The following C8orf34 variants were observed in gnomAD, a reference collection of about 807,000 sequenced individuals.
The protein encoded by C8orf34 is uncharacterized protein C8orf34.
In C8orf34, 65 loss-of-function variants were observed where a neutral mutation model predicts 68.3. The observed-to-expected ratio is 0.95, with a 90% CI of 0.78 to 1.17. C8orf34 has a LOEUF of 1.17. C8orf34 is among the 50% of genes most tolerant of loss of function. The probability of loss-of-function intolerance (pLI) is 0.00; values close to 1 mark genes in which losing one functional copy is unlikely to be tolerated. For missense variants in C8orf34, 664 were observed against 655.4 expected (o/e 1.01, Z -0.14); for synonymous variants, 244 against 241.2 (o/e 1.01, Z -0.11).
chr8:68,530,011 C>A (rs906172428), intron 6 of C8orf34, among the ~76,000 whole-genome samples: 1 of 151,750 alleles, frequency 6.6e-6, no homozygotes, highest in Non-Finnish European at 1.5e-5. Flanking sequence ...CGCCTTAAAG[C>A]CGTAACTGTC....
chr8:68,691,260 A>G (rs1293686261), intron 8 of C8orf34, among the ~76,000 whole-genome samples: 1 of 151,982 alleles, frequency 6.6e-6, no homozygotes, highest in East Asian at 1.9e-4. Flanking sequence ...CATTTTTCCA[A>G]CAGCATGTGC....
intron 11 of C8orf34, among the ~76,000 whole-genome samples, chr8:68,778,897 C>T (rs1194779981): frequency 2.0e-5 from 3 of 152,100 alleles, no homozygotes; most frequent in Non-Finnish European, 4.4e-5. Flanking sequence ...CATTACCAGG[C>T]TCAAGCTTGT....
intron 12 of C8orf34, among the ~76,000 whole-genome samples, chr8:68,794,042 T>A (rs1178292982): frequency 1.3e-5 from 2 of 152,214 alleles, no homozygotes; most frequent in African/African-American, 4.8e-5. Flanking sequence ...AATGTTATAT[T>A]CATAAGCTAT....
intron 1 of C8orf34, among the ~76,000 whole-genome samples, chr8:68,360,096 T>G (rs797017506): frequency 4.6e-5 from 7 of 152,330 alleles, no homozygotes; most frequent in African/African-American, 1.7e-4. Flanking sequence ...GTGGCTTAAT[T>G]CTTCCCAGGG....
intron 12 of C8orf34, among the ~76,000 whole-genome samples, chr8:68,808,171 G>A (rs1456713829): frequency 3.3e-5 from 5 of 152,146 alleles, no homozygotes; most frequent in African/African-American, 1.2e-4. Context: ...TAGATGTTTG[G>A]TGCCTTCACA....
At chr8:68,758,354 C>T (rs1050865570) in intron 10 of C8orf34, among the ~76,000 whole-genome samples, 4 of 152,030 alleles carry the variant, frequency 2.6e-5, no homozygotes, top group African/African-American at 4.8e-5. Context: ...GGTAGTCCAC[C>T]CCATAGTAGT....
At chr8:68,688,387 ATG>A (rs1448585998) in intron 8 of C8orf34, among the ~76,000 whole-genome samples, 1 of 152,016 alleles carries the variant, frequency 6.6e-6, no homozygotes, top group Non-Finnish European at 1.5e-5. Context: ...GATAAAGAAA[ATG>A]TGGTATTGTG....
Position 68,721,398 on chromosome 8 carries a change from G to T in C8orf34, c.1365G>T (p.Glu455Asp). ...LPGTEEALME[E>D]GDEFEKASKL... ...GGACTGAAGAAGCACTAATGGAGGAGGGTGACGAATTTGAGAAAGCATCTA... is the reference window on the plus strand; with the variant it reads ...GGACTGAAGAAGCACTAATGGAGGATGGTGACGAATTTGAGAAAGCATCTA... The change falls in exon 10 of 14, where the codon GAG (glutamate) becomes GAT (aspartate). Residue 455 changes from glutamate (E) to aspartate (D), a missense_variant. Physicochemically the swap from Glu to Asp is conservative, Grantham distance 45. Transcript: ENST00000518698. The T allele has an allele frequency of 6.2e-7, 1 of 1,609,626 alleles. No individual in the cohort carries two copies. The highest frequency in any genetic ancestry group is 2.2e-5 in the East Asian group (1 of 44,712).
chr8:68,748,604 G>C lies in C8orf34; in HGVS notation c.1404+27167G>C, dbSNP rs1467696222. Among the ~76,000 whole-genome samples, 4 of 152,188 alleles carry C rather than the reference G, an allele frequency of 2.6e-5. No individual in the cohort carries two copies. In the East Asian group the frequency reaches 7.7e-4, roughly 29 times the overall value. ...CATGAAGAGGCACTTCACAAAAGAA[G>C]ACATTTATGCAGCCAAAAAACACAT... is the stretch of plus-strand genomic sequence containing the variant. On this transcript the variant is annotated intron_variant, in intron 10 of 13. Coordinates refer to ENST00000518698, the MANE Select transcript of C8orf34 (RefSeq NM_052958.4).
At chr8:68,511,710 T>C (rs920863816) in intron 5 of C8orf34, among the ~76,000 whole-genome samples, 3 of 152,178 alleles carry the variant, frequency 2.0e-5, no homozygotes, top group Non-Finnish European at 4.4e-5. Flanking sequence ...AATTTAACAA[T>C]GCCATAAGTT....
At chr8:68,505,723 G>T (rs1813987452) in intron 5 of C8orf34, among the ~76,000 whole-genome samples, 1 of 89,888 alleles carries the variant, frequency 1.1e-5, no homozygotes, top group Non-Finnish European at 1.9e-5. Flanking sequence ...GGGCGACAGA[G>T]CGAGACTCCG....
Position 68,722,778 on chromosome 8 carries a change from A to G in C8orf34, c.1404+1341A>G, listed in dbSNP as rs116462238. Among the ~76,000 whole-genome samples the G allele has an allele frequency of 1.9e-3, 283 of 152,162 alleles. 2 individuals are homozygous for G. The highest frequency in any genetic ancestry group is 6.3e-3 in the African/African-American group (262 of 41,548). ...TACCTACACACAGTAGGCCCATAAT[A>G]TGAAACACACACATACATATATATG... On this transcript the variant is annotated intron_variant, in intron 10 of 13. Transcript: ENST00000518698.
intron 1 of C8orf34, among the ~76,000 whole-genome samples, chr8:68,397,765 A>AT (rs1169302880): frequency 6.6e-6 from 1 of 151,664 alleles, no homozygotes; most frequent in Non-Finnish European, 1.5e-5. Context: ...AACTGACCCT[A>AT]TTTTTTTAAT....
intron 10 of C8orf34, among the ~76,000 whole-genome samples, chr8:68,751,229 A>G (rs1374921877): frequency 6.6e-6 from 1 of 152,188 alleles, no homozygotes; most frequent in Non-Finnish European, 1.5e-5. Flanking sequence ...GTAACATGAC[A>G]GTTCTTAGCT....
At chr8:68,677,134 C>T (rs960917256) in intron 8 of C8orf34, among the ~76,000 whole-genome samples, 2 of 152,134 alleles carry the variant, frequency 1.3e-5, no homozygotes, top group African/African-American at 2.4e-5. Flanking sequence ...ATTTTGGAAC[C>T]TATACAAACA....
chr8:68,462,072 C>T (rs1412589746), intron 3 of C8orf34, among the ~76,000 whole-genome samples: 2 of 151,828 alleles, frequency 1.3e-5, no homozygotes, highest in East Asian at 3.9e-4. Context: ...CACACATAGG[C>T]TCAAAATAAA....
At chr8:68,389,913 A>G (rs1808411270) in intron 1 of C8orf34, among the ~76,000 whole-genome samples, 1 of 152,118 alleles carries the variant, frequency 6.6e-6, no homozygotes, top group African/African-American at 2.4e-5. Flanking sequence ...AATCCTAACG[A>G]TGACCACTTT....
At position 68,818,975 on chromosome 8, in the gene C8orf34, G is replaced by A. The variant is rs966150513; in HGVS notation, c.*729G>A. 4 of 152,074 alleles carry A rather than the reference G, an allele frequency of 2.6e-5. No homozygotes were observed. Among genetic ancestry groups the A allele is most frequent in the African/African-American group, 9.7e-5 (4 of 41,414 alleles). 9.4% of individuals were successfully genotyped at this position (152,074 alleles called of 1,614,324 possible). A position where few individuals can be genotyped will look rare whatever the true frequency, so the allele number is the denominator to read the frequency against. On this transcript the variant is annotated 3_prime_UTR_variant, in exon 14 of 14. Coordinates refer to ENST00000518698, the MANE Select transcript of C8orf34 (RefSeq NM_052958.4). ...TATGCTCGCTTTTGGAATGTGTTAT[G>A]CATTGATGTTAAGTGAATGGATCTA...
intron 8 of C8orf34, among the ~76,000 whole-genome samples, chr8:68,671,842 G>A (rs938026021): frequency 2.0e-5 from 3 of 152,012 alleles, no homozygotes; most frequent in Non-Finnish European, 4.4e-5. Context: ...TTAACGAAAA[G>A]GGTTTCCTGA....
Sources: allele counts gnomAD v4.1 joint callset (sites outside exome capture counted in the v4.1 genomes callset), GRCh38; gene constraint gnomAD v4.1.1; transcripts MANE v1.5; gene names NCBI Gene and HGNC (gene_info 2026-07-23, HGNC 2026-07-21).